NOC2L: variants seen among roughly 807,000 people sequenced by gnomAD.
NOC2L encodes NOC2 like nucleolar associated transcriptional repressor.
In NOC2L, 101 loss-of-function variants were observed where a neutral mutation model predicts 94.2. The ratio of observed to expected loss-of-function variants is 1.07; its 90% CI spans 0.91 to 1.26. NOC2L has a LOEUF of 1.26. Among genes scored for constraint, NOC2L ranks in the 50% most tolerant of loss-of-function variants. NOC2L has a pLI of 0.00. For synonymous variants in NOC2L, 531 were observed against 413.4 expected (o/e 1.28, Z -3.45); for missense variants, 1,076 against 980.1 (o/e 1.10, Z -1.31).
At position 952,102 on chromosome 1, in the gene NOC2L, T is replaced by C; in HGVS notation, c.1229A>G (p.His410Arg). Residue 410 changes from histidine (H) to arginine (R), a missense_variant, in exon 11 of 19, where the codon CAC becomes CGC. Physicochemically the swap from His to Arg is conservative, Grantham distance 29 (BLOSUM62 0). Around this residue, in one of 3 missense-constraint regions of NOC2L, gnomAD observed 615 missense variants for 577.4 expected, o/e 1.07. Coordinates refer to ENST00000327044, the MANE Select transcript of NOC2L (RefSeq NM_015658.4). ...YQSVYNWQYV[H>R]CLFLWCRVLS... The stretch of plus-strand genomic sequence containing the variant: ...GACCCGGCACCACAGGAAGAGGCAG[T>C]GCACATACTGCCAGTTGTACACAGA... 3 of 1,613,662 alleles carry C rather than the reference T, an allele frequency of 1.9e-6. No individual in the cohort carries two copies. The highest frequency in any genetic ancestry group is 2.5e-6 in the Non-Finnish European group (3 of 1,179,986).
chr1:956,584 G>A (rs1045075672), intron 4 of NOC2L, among the ~76,000 whole-genome samples: 8 of 152,286 alleles, frequency 5.3e-5, no homozygotes, highest in Non-Finnish European at 7.4e-5. Context: ...CACCCACAGC[G>A]GGACTGACTT....
At chr1:958,590 C>G (rs1283430724) in intron 2 of NOC2L, 1 of 505,518 alleles carries the variant, frequency 2.0e-6, no homozygotes, top group South Asian at 1.6e-5. Context: ...CCCTGCAACT[C>G]TCTCTTCAGC....
chr1:959,111 C>T (rs1474842178), intron 1 of NOC2L, 30 bp from the exon 2 acceptor site: 3 of 1,609,852 alleles, frequency 1.9e-6, no homozygotes, highest in African/African-American at 2.7e-5. Context: ...CACAGCTGCC[C>T]GCACGCCCAG....
At chr1:944,884 C>T (rs564979088) in intron 18 of NOC2L, 84 bp from the exon 19 acceptor site, 36 of 1,302,722 alleles carry the variant, frequency 2.8e-5, no homozygotes, top group South Asian at 2.4e-4. Flanking sequence ...TAATTAATCA[C>T]GGCACTAATT....
Position 952,545 on chromosome 1 carries a change from G to T in NOC2L, c.1058C>A (p.Pro353His). Residue 353 changes from proline (P) to histidine (H), a missense_variant, in exon 10 of 19, where the codon CCC becomes CAC. This residue lies in a region of NOC2L where 615 missense variants were observed against 577.4 expected (regional missense o/e 1.07). Coordinates refer to ENST00000327044, the MANE Select transcript of NOC2L (RefSeq NM_015658.4). ...GGTCCACTGCATGAAACTGATGAAG[G>T]GGAGGGCACCAGGCGAGGTGAACTT... ...NCKFTSPGAL[P>H]FISFMQWTLT... is the part of the protein sequence containing the mutation. 1.2e-6 allele frequency: 2 copies of T among 1,613,928 alleles called. No homozygotes were observed. Among genetic ancestry groups the T allele is most frequent in the Non-Finnish European group, 1.7e-6 (2 of 1,180,018 alleles).
At chr1:949,785 G>A (rs763327571) in intron 12 of NOC2L, among the ~76,000 whole-genome samples, 37 of 152,162 alleles carry the variant, frequency 2.4e-4, no homozygotes, top group Non-Finnish European at 4.3e-4. Flanking sequence ...CCATGGGAGT[G>A]AACATGGCTT....
At position 947,865 on chromosome 1, in the gene NOC2L, A is replaced by C. The variant is rs1569937422; in HGVS notation, c.1659+266T>G. ...CAGTCCCAACCCCGAAGCAAAGATC[A>C]GCCTTGTGGTTCCCACCTGGGGAGG... On this transcript the variant is annotated intron_variant, in intron 14 of 18. Coordinates refer to ENST00000327044, the MANE Select transcript of NOC2L (RefSeq NM_015658.4). 2.0e-5 allele frequency among the ~76,000 whole-genome samples: 3 copies of C among 152,228 alleles called. No homozygotes were observed. In the East Asian group the frequency reaches 5.8e-4, roughly 29 times the overall value.
Position 952,117 on chromosome 1 carries a change from T to C in NOC2L, c.1214A>G (p.Asn405Ser), listed in dbSNP as rs373804753. The C allele has an allele frequency of 1.4e-5, 22 of 1,613,642 alleles. No individual in the cohort carries two copies. In the African/African-American group the frequency reaches 2.5e-4, roughly 19 times the overall value. Residue 405 changes from asparagine (N) to serine (S), a missense_variant, in exon 11 of 19, where the codon AAC becomes AGC. Coordinates refer to ENST00000327044, the MANE Select transcript of NOC2L (RefSeq NM_015658.4). ...RKKETYQSVY[N>S]WQYVHCLFLW... ...GAAGAGGCAGTGCACATACTGCCAG[T>C]TGTACACAGACTGGTATGTTTCCTG...
At position 948,578 on chromosome 1, in the gene NOC2L, C is replaced by T. The variant is rs1449323431; in HGVS notation, c.1469G>A (p.Arg490Lys). The T allele has an allele frequency of 6.2e-7, 1 of 1,611,298 alleles. No homozygotes were observed. The highest frequency in any genetic ancestry group is 1.1e-5 in the South Asian group (1 of 90,940). ...CTTGGAGCTCATGCGCCCTGGCTTC[C>T]TGTTGAAGTCGACCTGCTGGAACAT... ...LEMFQQVDFNRKPGRMSSKPI... is the reference protein window; with the variant it reads ...LEMFQQVDFNKKPGRMSSKPI... Residue 490 changes from arginine (R) to lysine (K), a missense_variant, in exon 13 of 19, where the codon AGG (arginine) becomes AAG (lysine). Transcript: ENST00000327044.
chr1:958,937 G>A lies in NOC2L; in HGVS notation c.171C>T (p.Pro57=), dbSNP rs761307876. The A allele has an allele frequency of 6.2e-7, 1 of 1,612,780 alleles. No individual in the cohort carries two copies. The change falls in exon 2 of 19, where the codon CCC becomes CCT. Residue 57 remains proline, a synonymous_variant. Transcript: ENST00000327044. ...ARSPDKPGGS[P]SASRRKGRAS... Reference sequence around the variant, plus strand: ...CGCATGTCCCCACTAACCTGGCCGAGGGGCTCCCGCCCGGCTTATCCGGAC... The same window carrying A: ...CGCATGTCCCCACTAACCTGGCCGAAGGGCTCCCGCCCGGCTTATCCGGAC...
intron 18 of NOC2L, 25 bp from the exon 19 acceptor site, chr1:944,825 T>C (rs1243917729): frequency 3.4e-6 from 5 of 1,485,832 alleles, no homozygotes; most frequent in Non-Finnish European, 4.6e-6. Flanking sequence ...GGAGGCTACA[T>C]AAATTTTGCT....
rs762420911 is a variant in NOC2L, at chr1:958,872, C to G, written c.179+57G>C. On this transcript the variant is annotated intron_variant, in intron 2 of 18. Transcript: ENST00000327044. The stretch of plus-strand genomic sequence containing the variant: ...TGAGACCCCAGGCGAGGTCAGCAAC[C>G]CAACCGGGGTGGGACAGGACGAGCA... 5.6e-6 allele frequency: 9 copies of G among 1,604,716 alleles called. No individual in the cohort carries two copies. The Admixed American group carries it at 1.5e-4, about 27-fold the overall frequency.
At position 951,129 on chromosome 1, in the gene NOC2L, C is replaced by A; in HGVS notation, c.1441G>T (p.Glu481Ter). Reference sequence around the variant, plus strand: ...ACGCCCACCACAGCCTCACTCACCTCCAGGATGAAAGGCAGCACCGGGATG... The same window carrying A: ...ACGCCCACCACAGCCTCACTCACCTACAGGATGAAAGGCAGCACCGGGATG... ...AFIPVLPFIL[E>*]MFQQVDFNRK... The change falls in exon 12 of 19, where the codon GAG (glutamate) becomes TAG (stop). Residue 481 changes from glutamate to a stop codon, truncating the protein, a stop_gained and splice_region_variant. Coordinates refer to ENST00000327044, the MANE Select transcript of NOC2L (RefSeq NM_015658.4). LOFTEE classifies it high-confidence loss of function. 6.3e-7 allele frequency: 1 copy of A among 1,575,302 alleles called. No individual in the cohort carries two copies. The highest frequency in any genetic ancestry group is 2.3e-5 in the East Asian group (1 of 42,674).
Position 952,029 on chromosome 1 carries a change from G to A in NOC2L, c.1302C>T (p.Pro434=), listed in dbSNP as rs113226136. 5 of 1,613,402 alleles carry A rather than the reference G, an allele frequency of 3.1e-6. No individual in the cohort carries two copies. Among genetic ancestry groups the A allele is most frequent in the Non-Finnish European group, 4.2e-6 (5 of 1,179,778 alleles). Residue 434 remains proline, a synonymous_variant, in exon 11 of 19, where the codon CCC becomes CCT. Coordinates refer to ENST00000327044, the MANE Select transcript of NOC2L (RefSeq NM_015658.4). Reference sequence around the variant, plus strand: ...TACAGCCAATGATGACTTGGGCAAGGGGGTAGACCAAGGGCTGGAGGGCTT... The same window carrying A: ...TACAGCCAATGATGACTTGGGCAAGAGGGTAGACCAAGGGCTGGAGGGCTT... ...PSEALQPLVY[P]LAQVIIGCIK... is the part of the protein sequence containing the mutation.
chr1:958,444 T>A (rs1418894687), intron 2 of NOC2L: 5 of 330,306 alleles, frequency 1.5e-5, no homozygotes, highest in Non-Finnish European at 2.4e-5. Context: ...GAGACATGAT[T>A]TTTCCGTGTT....
rs188146853 is a variant in NOC2L at position 954,335 on chromosome 1, C to T, written c.699-253G>A. ...CTGCCCTGCCCAGGGTTGGCCACCG[C>T]CCTAAGAGTCCCCGGAAGTCCCAGC... On this transcript the variant is annotated intron_variant, in intron 6 of 18. Transcript: ENST00000327044. 4.7e-5 allele frequency: 22 copies of T among 470,744 alleles called. No homozygotes were observed. In the East Asian group the frequency reaches 7.1e-4, roughly 15 times the overall value. 29.2% of individuals were successfully genotyped at this position (470,744 alleles called of 1,614,324 possible). A position where few individuals can be genotyped will look rare whatever the true frequency, so the allele number is the denominator to read the frequency against.
chr1:955,683 T>A (rs749565583), intron 6 of NOC2L, among the ~76,000 whole-genome samples: 5 of 152,214 alleles, frequency 3.3e-5, no homozygotes, highest in Non-Finnish European at 7.3e-5. Context: ...CCACACCTTC[T>A]GAGACTCTGA....
chr1:953,407 C>T (rs1463090865), intron 8 of NOC2L, 119 bp from the exon 9 acceptor site: 3 of 658,220 alleles, frequency 4.6e-6, no homozygotes, highest in Non-Finnish European at 8.3e-6. Context: ...CTTCCCAAAG[C>T]ACCTCGGGGG....
In NOC2L at chr1:951,947, C is replaced by T. The variant is rs528604454; in HGVS notation, c.1331+53G>A. ...AGAGGCACCGCCCACACAGTCCCAG[C>T]AAATTTGCTTCTCCTGACCCTCCCG... On this transcript the variant is annotated intron_variant, in intron 11 of 18. Coordinates refer to ENST00000327044, the MANE Select transcript of NOC2L (RefSeq NM_015658.4). 27 of 1,570,682 alleles carry T rather than the reference C, an allele frequency of 1.7e-5. No homozygotes were observed. In the South Asian group the frequency reaches 3.1e-4, roughly 18 times the overall value.
Sources: gnomAD v4.1 joint callset for allele counts (sites outside exome capture counted in the v4.1 genomes callset) on GRCh38, gnomAD v4.1.1 for gene constraint, gnomAD v4.1.1 regional missense constraint, MANE v1.5 for transcripts, NCBI Gene and HGNC (gene_info 2026-07-23, HGNC 2026-07-21) for gene names.